The following NELL1 variants were observed in gnomAD, a reference collection of about 807,000 sequenced individuals.
NELL1 encodes neural EGFL like 1.
NELL1 carries 76 observed loss-of-function variants against 107.4 expected under a neutral mutation model. The observed-to-expected ratio is 0.71, with a 90% CI of 0.59 to 0.86. The LOEUF is 0.86. NELL1 is among the 40% of genes least tolerant of loss of function. NELL1 has a pLI of 0.00. For synonymous variants in NELL1, 353 were observed against 341.2 expected, an observed-to-expected ratio of 1.03 and a Z score of -0.38; for missense variants, 1,024 against 1,005.5, an observed-to-expected ratio of 1.02 and a Z score of -0.25.
At chr11:21,015,927 TC>T (rs1352714160) in intron 12 of NELL1, among the ~76,000 whole-genome samples, 1 of 152,082 alleles carries the variant, frequency 6.6e-6, no homozygotes, top group Non-Finnish European at 1.5e-5. Context: ...GACCATTTAG[TC>T]CTGGTTTGTG....
At chr11:21,453,643 A>G (rs1853643312) in intron 15 of NELL1, among the ~76,000 whole-genome samples, 4 of 152,004 alleles carry the variant, frequency 2.6e-5, no homozygotes, top group Admixed American at 2.6e-4. Flanking sequence ...AATTATTTAT[A>G]TAGTTGGGTT....
At chr11:21,378,428 A>C (rs141377097) in intron 15 of NELL1, among the ~76,000 whole-genome samples, 2 of 152,020 alleles carry the variant, frequency 1.3e-5, no homozygotes, top group African/African-American at 4.8e-5. Context: ...TTAACCATTC[A>C]AGAGCCAGAG....
intron 15 of NELL1, among the ~76,000 whole-genome samples, chr11:21,404,214 T>C (rs1852176540): frequency 6.6e-6 from 1 of 151,818 alleles, no homozygotes; most frequent in Non-Finnish European, 1.5e-5. Flanking sequence ...AAACAATATC[T>C]CAGTACATTC....
At chr11:20,765,792 T>A (rs1460728405) in intron 2 of NELL1, among the ~76,000 whole-genome samples, 1 of 152,212 alleles carries the variant, frequency 6.6e-6, no homozygotes, top group Non-Finnish European at 1.5e-5. Flanking sequence ...GGGATTCAAT[T>A]TTTATTAAAT....
chr11:21,122,733 A>T (rs1183622620), intron 13 of NELL1, among the ~76,000 whole-genome samples: 1 of 152,170 alleles, frequency 6.6e-6, no homozygotes, highest in Non-Finnish European at 1.5e-5. Context: ...TTCACTGTAC[A>T]TCCTCACAGA....
At chr11:21,403,735 T>C (rs887996648) in intron 15 of NELL1, among the ~76,000 whole-genome samples, 3 of 143,724 alleles carry the variant, frequency 2.1e-5, no homozygotes, top group Non-Finnish European at 4.6e-5. Flanking sequence ...AAGTCAAGAA[T>C]GTTATCAGAA....
intron 6 of NELL1, 146 bp from the exon 7 acceptor site, chr11:20,919,104 CCT>C (rs1197075556): frequency 4.7e-6 from 2 of 421,490 alleles, no homozygotes; most frequent in Non-Finnish European, 4.2e-6. Flanking sequence ...GACCTGAAAT[CCT>C]CTGTGATTTC....
At chr11:21,384,964 C>T (rs1851705998) in intron 15 of NELL1, among the ~76,000 whole-genome samples, 1 of 152,018 alleles carries the variant, frequency 6.6e-6, no homozygotes, top group East Asian at 1.9e-4. Context: ...TTACTTTCAA[C>T]TAACTCACAT....
chr11:20,891,269 AT>A, intron 5 of NELL1, among the ~76,000 whole-genome samples: 1 of 152,194 alleles, frequency 6.6e-6, no homozygotes, highest in Non-Finnish European at 1.5e-5. Flanking sequence ...AGTAAACTTC[AT>A]AAGAGAATGA....
chr11:20,814,153 G>A (rs1316831460), intron 3 of NELL1, among the ~76,000 whole-genome samples: 15 of 129,790 alleles, frequency 1.2e-4, no homozygotes, highest in South Asian at 5.2e-4. Context: ...ACACCGCCAC[G>A]CCCGGCTAAT....
intron 12 of NELL1, among the ~76,000 whole-genome samples, chr11:21,044,426 C>T (rs552618560): frequency 1.3e-5 from 2 of 152,100 alleles, no homozygotes; most frequent in Non-Finnish European, 2.9e-5. Context: ...TTAAGCAACG[C>T]ATTTGAGAAG....
rs1200265770 is a variant in NELL1, at chr11:21,427,794, T to C, written c.1645+56846T>C. 2.0e-5 allele frequency among the ~76,000 whole-genome samples: 3 copies of C among 152,120 alleles called. No individual in the cohort carries two copies. In the East Asian group the frequency reaches 5.8e-4, roughly 29 times the overall value. On this transcript the variant is annotated intron_variant, in intron 15 of 19. Coordinates refer to ENST00000357134, the MANE Select transcript of NELL1 (RefSeq NM_006157.5). ...GGTAAAAGAAACCCAAGAAGTAAAA[T>C]AGGTCAGTTTCTGACTACTGATCTC...
chr11:21,305,370 T>TA (rs1031352150), intron 14 of NELL1, among the ~76,000 whole-genome samples: 2 of 152,024 alleles, frequency 1.3e-5, no homozygotes, highest in Non-Finnish European at 2.9e-5. Context: ...AGAGGATTGT[T>TA]ACACTGTAAA....
chr11:21,571,576 T>C (rs1024888861), intron 18 of NELL1, among the ~76,000 whole-genome samples: 2 of 151,874 alleles, frequency 1.3e-5, no homozygotes, highest in Non-Finnish European at 2.9e-5. Flanking sequence ...GTAGTAACTA[T>C]TGTTAATACT....
rs557606166 is a variant in NELL1 at position 20,766,749 on chromosome 11, T to G, written c.185-16931T>G. 3.8e-4 allele frequency among the ~76,000 whole-genome samples: 58 copies of G among 152,140 alleles called. 1 individual carries two copies. The highest frequency in any genetic ancestry group is 3.4e-3 in the Middle Eastern group (1 of 294). On this transcript the variant is annotated intron_variant, in intron 2 of 19. Coordinates refer to ENST00000357134, the MANE Select transcript of NELL1 (RefSeq NM_006157.5). ...TATTTCCTATTGACATATTTTTTTTTTTTTTTTGTTTCAGACAGAGCCTCA... is the reference window on the plus strand; with the variant it reads ...TATTTCCTATTGACATATTTTTTTTGTTTTTTTGTTTCAGACAGAGCCTCA...
chr11:21,526,382 G>C (rs377568490), intron 15 of NELL1, among the ~76,000 whole-genome samples: 2 of 152,214 alleles, frequency 1.3e-5, no homozygotes, highest in Non-Finnish European at 2.9e-5. Context: ...TTGGCATTGA[G>C]TGTCTGCAAC....
intron 4 of NELL1, among the ~76,000 whole-genome samples, chr11:20,871,866 A>G (rs11025791): frequency 0.58 from 87,934 of 150,706 alleles, 28,401 homozygotes; most frequent in Non-Finnish European, 0.72. Context: ...AAAAATACAA[A>G]AAGTTATCCG....
At chr11:20,844,384 G>A (rs961060634) in intron 3 of NELL1, among the ~76,000 whole-genome samples, 1 of 152,186 alleles carries the variant, frequency 6.6e-6, no homozygotes, top group East Asian at 1.9e-4. Context: ...TTTTCTGGGA[G>A]CGAAGGCAGT....
At position 20,733,609 on chromosome 11, in the gene NELL1, A is replaced by G. The variant is rs564104104; in HGVS notation, c.185-50071A>G. Among the ~76,000 whole-genome samples, 7 of 152,290 alleles carry G rather than the reference A, an allele frequency of 4.6e-5. No individual in the cohort carries two copies. The South Asian group carries it at 8.3e-4, about 18-fold the overall frequency. ...ATATGTAGAAGTTTATTTTTTCCTT[A>G]TGTATTTGTTGAGTACCTACCACTG... On this transcript the variant is annotated intron_variant, in intron 2 of 19. Coordinates refer to ENST00000357134, the MANE Select transcript of NELL1 (RefSeq NM_006157.5).
Sources: gnomAD v4.1 joint callset for allele counts (sites outside exome capture counted in the v4.1 genomes callset) on GRCh38, gnomAD v4.1.1 for gene constraint, MANE v1.5 for transcripts, NCBI Gene and HGNC (gene_info 2026-07-23, HGNC 2026-07-21) for gene names.